The following ADCK1 variants were observed in gnomAD, a reference collection of about 807,000 sequenced individuals.
ADCK1 encodes aarF domain containing kinase 1, also known as aarF domain-containing protein kinase 1.
In ADCK1, 41 loss-of-function variants were observed where a neutral mutation model predicts 52.3. The ratio of observed to expected loss-of-function variants is 0.78; its 90% CI spans 0.61 to 1.02. The LOEUF is 1.02. Ranked by LOEUF, ADCK1 falls within the 50% of genes least tolerant of loss-of-function variation. ADCK1 has a pLI of 0.00. For synonymous variants in ADCK1, 250 were observed against 274.6 expected (o/e 0.91, Z 0.89); for missense variants, 658 against 679.5 (o/e 0.97, Z 0.35).
chr14:77,894,239 T>G (rs568617406), intron 5 of ADCK1, among the ~76,000 whole-genome samples: 1 of 152,334 alleles, frequency 6.6e-6, no homozygotes, highest in African/African-American at 2.4e-5. Flanking sequence ...AGAACAAAGA[T>G]AAACCCCGTG....
At chr14:77,878,887 G>A (rs779839285) in intron 4 of ADCK1, among the ~76,000 whole-genome samples, 1 of 151,702 alleles carries the variant, frequency 6.6e-6, no homozygotes, top group Non-Finnish European at 1.5e-5. Flanking sequence ...TTTACAGAAG[G>A]TTTGCTTAAA....
At chr14:77,881,251 C>G (rs1287566521) in intron 4 of ADCK1, among the ~76,000 whole-genome samples, 1 of 152,226 alleles carries the variant, frequency 6.6e-6, no homozygotes, top group Non-Finnish European at 1.5e-5. Context: ...CAAGACGGCT[C>G]ACTGTTGTCA....
chr14:77,893,737 C>CTTCCTTCCTTTCTTTTT lies in ADCK1; in HGVS notation c.583-5361_583-5360insCCTTCCTTTCTTTTTTT, dbSNP rs35559156. On this transcript the variant is annotated intron_variant, in intron 5 of 10. Transcript: ENST00000238561. ...TCTTGTTTCTTCCCTTCCTTCCTTC[C>CTTCCTTCCTTTCTTTTT]TTTTTTTTTTTTTTTTGACAGAGTC... Among the ~76,000 whole-genome samples, 7 of 50,352 alleles carry CTTCCTTCCTTTCTTTTT rather than the reference C, an allele frequency of 1.4e-4. 1 individual carries two copies. The highest frequency in any genetic ancestry group is 2.9e-4 in the Non-Finnish European group (7 of 24,558). The allele number at this position is 50,352 out of a possible 152,430, so 33.0% of individuals were successfully genotyped here.
At chr14:77,922,027 C>A (rs1397250108) in intron 7 of ADCK1, among the ~76,000 whole-genome samples, 3 of 152,164 alleles carry the variant, frequency 2.0e-5, no homozygotes, top group Non-Finnish European at 4.4e-5. Context: ...TGATCAGGAG[C>A]CCTGATTGGA....
chr14:77,921,552 C>T (rs1005661466), intron 7 of ADCK1, among the ~76,000 whole-genome samples: 12 of 152,156 alleles, frequency 7.9e-5, no homozygotes, highest in African/African-American at 2.9e-4. Context: ...ATCCCCAGAT[C>T]TCCCATGCCC....
chr14:77,926,055 T>G, intron 9 of ADCK1, 94 bp downstream of exon 9: 1 of 1,433,818 alleles, frequency 7.0e-7, no homozygotes, highest in Non-Finnish European at 9.7e-7. Context: ...TCTAAGAGTC[T>G]AGACTGGTGG....
intron 7 of ADCK1, among the ~76,000 whole-genome samples, chr14:77,909,562 AG>A (rs903996960): frequency 3.9e-5 from 6 of 152,138 alleles, no homozygotes; most frequent in African/African-American, 1.4e-4. Context: ...AGATGAGCCC[AG>A]GGGGGTGGCA....
intron 3 of ADCK1, among the ~76,000 whole-genome samples, chr14:77,853,587 A>G (rs959902893): frequency 6.6e-6 from 1 of 152,170 alleles, no homozygotes; most frequent in Admixed American, 6.6e-5. Context: ...ATATGCCATT[A>G]CTGACGCAAG....
intron 3 of ADCK1, among the ~76,000 whole-genome samples, chr14:77,849,589 A>G (rs2082242240): frequency 6.6e-6 from 1 of 152,026 alleles, no homozygotes; most frequent in African/African-American, 2.4e-5. Flanking sequence ...GACTACAGGC[A>G]TATGCCACCA....
intron 7 of ADCK1, among the ~76,000 whole-genome samples, chr14:77,921,251 T>C (rs1595090846): frequency 7.7e-6 from 1 of 129,904 alleles, no homozygotes; most frequent in Non-Finnish European, 1.6e-5. Flanking sequence ...GGCATGAACC[T>C]GGGAGGCGGA....
At chr14:77,819,685 A>G (rs2081540117) in intron 2 of ADCK1, among the ~76,000 whole-genome samples, 1 of 152,206 alleles carries the variant, frequency 6.6e-6, no homozygotes, top group Non-Finnish European at 1.5e-5. Context: ...CAGGAACGTC[A>G]TCCTGGTGTG....
intron 1 of ADCK1, 40 bp downstream of exon 1, chr14:77,800,210 G>C (rs1373672778): frequency 6.6e-6 from 1 of 152,282 alleles, no homozygotes; most frequent in Non-Finnish European, 1.5e-5. Context: ...CGCAGAGCTC[G>C]GGCCGACCAG....
chr14:77,920,275 T>G (rs928623123), intron 7 of ADCK1, among the ~76,000 whole-genome samples: 1 of 152,218 alleles, frequency 6.6e-6, no homozygotes, highest in African/African-American at 2.4e-5. Context: ...AGTTGATTTT[T>G]TATAAAGTGA....
At chr14:77,812,834 C>A (rs2081362956) in intron 1 of ADCK1, among the ~76,000 whole-genome samples, 1 of 151,980 alleles carries the variant, frequency 6.6e-6, no homozygotes, top group Non-Finnish European at 1.5e-5. Flanking sequence ...AAGTGATCTG[C>A]CCGCCTCGGC....
At chr14:77,918,476 C>T (rs775901541) in intron 7 of ADCK1, among the ~76,000 whole-genome samples, 47 of 152,146 alleles carry the variant, frequency 3.1e-4, no homozygotes, top group Non-Finnish European at 5.0e-4. Flanking sequence ...CAGATGCCAC[C>T]GTTCACAGGG....
chr14:77,804,391 C>T (rs184617735), intron 1 of ADCK1, among the ~76,000 whole-genome samples: 2 of 152,316 alleles, frequency 1.3e-5, no homozygotes, highest in East Asian at 3.9e-4. Flanking sequence ...AGATGCCATT[C>T]GGCTCCTGTA....
At chr14:77,817,739 CTT>C (rs774038186) in intron 1 of ADCK1, among the ~76,000 whole-genome samples, 12 of 144,436 alleles carry the variant, frequency 8.3e-5, no homozygotes, top group African/African-American at 5.0e-5. Context: ...GGGTAGTCTT[CTT>C]TTTTTTTTTT....
chr14:77,810,796 G>GC (rs2081324962), intron 1 of ADCK1, among the ~76,000 whole-genome samples: 1 of 152,180 alleles, frequency 6.6e-6, no homozygotes, highest in African/African-American at 2.4e-5. Flanking sequence ...CTCCCAAAGT[G>GC]CTGGGATTAC....
intron 4 of ADCK1, among the ~76,000 whole-genome samples, chr14:77,876,634 T>C (rs1443355340): frequency 6.6e-6 from 1 of 152,204 alleles, no homozygotes; most frequent in East Asian, 1.9e-4. Flanking sequence ...ATGGGCAACA[T>C]GTCAACAAAT....
Sources: allele counts gnomAD v4.1 joint callset (sites outside exome capture counted in the v4.1 genomes callset), GRCh38; gene constraint gnomAD v4.1.1; transcripts MANE v1.5; gene names NCBI Gene and HGNC (gene_info 2026-07-23, HGNC 2026-07-21).